IL1RAPL2: variants seen among roughly 807,000 people sequenced by gnomAD.
IL1RAPL2 encodes the protein X-linked interleukin-1 receptor accessory protein-like 2.
In IL1RAPL2, 3 loss-of-function variants were observed where a neutral mutation model predicts 44.1. The ratio of observed to expected loss-of-function variants is 0.07; its 90% CI spans 0.03 to 0.18. IL1RAPL2 has a LOEUF of 0.18. IL1RAPL2 is among the 10% of genes least tolerant of loss of function. The pLI is 1.00. For synonymous variants in IL1RAPL2, 181 were observed against 178.8 expected (o/e 1.01, Z -0.10); for missense variants, 391 against 496.4 (o/e 0.79, Z 2.02).
intron 5 of IL1RAPL2, among the ~76,000 whole-genome samples, chrX:105,362,436 A>G (rs1001733571): frequency 1.8e-5 from 2 of 111,197 alleles, no homozygotes; most frequent in African/African-American, 6.5e-5. Context: ...ATATTTTACA[A>G]TTTCACTATT....
At chrX:105,314,053 T>C (rs756991102) in intron 5 of IL1RAPL2, among the ~76,000 whole-genome samples, 26 of 112,318 alleles carry the variant, frequency 2.3e-4, no homozygotes, top group African/African-American at 8.1e-4. Flanking sequence ...GCTTCCTTTA[T>C]CTAAATTGCC....
intron 1 of IL1RAPL2, among the ~76,000 whole-genome samples, chrX:104,635,465 C>G (rs868529881): frequency 6.3e-5 from 7 of 111,961 alleles, no homozygotes; most frequent in African/African-American, 1.6e-4. Flanking sequence ...TTCTCCCTGT[C>G]ACTTTCAGGT....
chrX:105,263,301 G>A (rs2034375061), intron 4 of IL1RAPL2, among the ~76,000 whole-genome samples: 1 of 111,382 alleles, frequency 9.0e-6, no homozygotes, highest in African/African-American at 3.3e-5. Context: ...GGTGTTTGAG[G>A]ACTAGAGGTT....
chrX:104,788,075 G>T (rs1932807672), intron 2 of IL1RAPL2, among the ~76,000 whole-genome samples: 1 of 111,726 alleles, frequency 9.0e-6, no homozygotes, highest in South Asian at 3.8e-4. Flanking sequence ...GAACACAGGG[G>T]ATGATTTTGG....
At position 105,358,037 on chromosome X, in the gene IL1RAPL2, TAAAAAAAAAAAAA is replaced by T. The variant is rs774626399; in HGVS notation, c.697+90513_697+90525del. On this transcript the variant is annotated intron_variant, in intron 5 of 10. Coordinates refer to ENST00000372582, the MANE Select transcript of IL1RAPL2 (RefSeq NM_017416.2). ...GGATGACAGAGCAATATCCTATTTC[TAAAAAAAAAAAAA>T]AAAAAAAAAAAAAAAAGTTTGCTGC... Among the ~76,000 whole-genome samples the T allele has an allele frequency of 7.5e-3, 308 of 40,807 alleles. 1 individual carries two copies. The highest frequency in any genetic ancestry group is 0.013 in the Non-Finnish European group (274 of 20,525). 35.4% of individuals were successfully genotyped at this position (40,807 alleles called of 115,157 possible).
At chrX:104,632,199 A>G (rs1159728871) in intron 1 of IL1RAPL2, among the ~76,000 whole-genome samples, 1 of 111,335 alleles carries the variant, frequency 9.0e-6, no homozygotes, top group Non-Finnish European at 1.9e-5. Context: ...CCATTGGTCT[A>G]TATCTCTGTT....
chrX:104,868,935 G>A (rs1922686980), intron 2 of IL1RAPL2, among the ~76,000 whole-genome samples: 1 of 111,698 alleles, frequency 9.0e-6, no homozygotes, highest in Non-Finnish European at 1.9e-5. Flanking sequence ...ATGTTTGAAG[G>A]TGCCTTGAAT....
chrX:104,837,036 T>C (rs1188198014), intron 2 of IL1RAPL2, among the ~76,000 whole-genome samples: 1 of 111,862 alleles, frequency 8.9e-6, no homozygotes, highest in African/African-American at 3.3e-5. Context: ...GTTTCATTCA[T>C]GTCCCTGCAA....
chrX:104,882,142 A>G (rs746929316), intron 2 of IL1RAPL2, among the ~76,000 whole-genome samples: 1 of 112,093 alleles, frequency 8.9e-6, no homozygotes, highest in African/African-American at 3.2e-5. Flanking sequence ...ACATGTAAAT[A>G]TGCTTACAGA....
intron 6 of IL1RAPL2, among the ~76,000 whole-genome samples, chrX:105,666,783 T>G (rs1291375568): frequency 9.0e-6 from 1 of 111,444 alleles, no homozygotes; most frequent in Non-Finnish European, 1.9e-5. Context: ...GCGCCCCTCA[T>G]GTGTCCATTT....
At chrX:104,903,003 C>T (rs1923863643) in intron 2 of IL1RAPL2, among the ~76,000 whole-genome samples, 1 of 111,494 alleles carries the variant, frequency 9.0e-6, no homozygotes, top group African/African-American at 3.3e-5. Flanking sequence ...ATTAATTTAG[C>T]TAAATTAACA....
At chrX:105,553,468 C>T (rs1241710588) in intron 6 of IL1RAPL2, among the ~76,000 whole-genome samples, 1 of 111,321 alleles carries the variant, frequency 9.0e-6, no homozygotes, top group African/African-American at 3.3e-5. Context: ...GAGCTAATGC[C>T]CAGTGCTTTT....
intron 2 of IL1RAPL2, among the ~76,000 whole-genome samples, chrX:104,924,429 G>A (rs375050648): frequency 4.5e-5 from 5 of 111,718 alleles, no homozygotes; most frequent in Non-Finnish European, 9.4e-5. Flanking sequence ...GAACACTCTC[G>A]AAAATTGACC....
intron 2 of IL1RAPL2, among the ~76,000 whole-genome samples, chrX:105,070,207 G>A (rs1236409797): frequency 9.0e-6 from 1 of 111,642 alleles, no homozygotes; most frequent in Non-Finnish European, 1.9e-5. Flanking sequence ...GATGTTTTCT[G>A]TGTGCCATAC....
chrX:105,174,040 GCTT>G (rs1329664084), intron 2 of IL1RAPL2, among the ~76,000 whole-genome samples: 4 of 111,219 alleles, frequency 3.6e-5, no homozygotes, highest in Non-Finnish European at 5.7e-5. Context: ...GCCTCTAACT[GCTT>G]CTTAAGCAGA....
At chrX:104,987,935 T>A (rs1190344816) in intron 2 of IL1RAPL2, among the ~76,000 whole-genome samples, 2 of 111,740 alleles carry the variant, frequency 1.8e-5, no homozygotes, top group Admixed American at 9.5e-5. Flanking sequence ...TTTTCAGTGT[T>A]TTTCTTTCTA....
At chrX:105,493,823 G>T (rs941554879) in intron 6 of IL1RAPL2, among the ~76,000 whole-genome samples, 1 of 111,799 alleles carries the variant, frequency 8.9e-6, no homozygotes, top group Non-Finnish European at 1.9e-5. Flanking sequence ...AGTGTGAATT[G>T]ATTCAGTGAG....
At position 105,447,083 on chromosome X, in the gene IL1RAPL2, A is replaced by ATATATATATATT. The variant is rs1344841155; in HGVS notation, c.698-37219_698-37218insTTATATATATAT. 1.1e-4 allele frequency among the ~76,000 whole-genome samples: 6 copies of ATATATATATATT among 54,298 alleles called. 1 individual carries two copies. The highest frequency in any genetic ancestry group is 1.0e-3 in the East Asian group (2 of 2,008). 47.2% of individuals were successfully genotyped at this position (54,298 alleles called of 115,157 possible). On this transcript the variant is annotated intron_variant, in intron 5 of 10. Transcript: ENST00000372582. ...AGTATATCTGGTTAAAATTATATAT[A>ATATATATATATT]TATATATATATATATATATATATAA...
chrX:104,751,736 T>C (rs1002787849), intron 2 of IL1RAPL2, among the ~76,000 whole-genome samples: 7 of 111,380 alleles, frequency 6.3e-5, no homozygotes, highest in Non-Finnish European at 7.6e-5. Context: ...AGGGTTAATA[T>C]GAATGCATAC....
Sources: allele counts gnomAD v4.1 joint callset (sites outside exome capture counted in the v4.1 genomes callset), GRCh38; gene constraint gnomAD v4.1.1; transcripts MANE v1.5; gene names NCBI Gene and HGNC (gene_info 2026-07-23, HGNC 2026-07-21).